The following ULK4 variants were observed in gnomAD, a reference collection of about 807,000 sequenced individuals.
The protein encoded by ULK4 is inactive serine/threonine-protein kinase ULK4.
Under a neutral mutation model 160.6 loss-of-function variants are expected in ULK4, and 133 were observed. The ratio of observed to expected loss-of-function variants is 0.83; its 90% CI spans 0.72 to 0.96. The LOEUF is 0.96. ULK4 is among the 40% of genes least tolerant of loss of function. The probability of loss-of-function intolerance (pLI) is 0.00; values close to 1 mark genes in which losing one functional copy is unlikely to be tolerated. For missense variants in ULK4, 1,580 were observed against 1,499.5 expected (o/e 1.05, Z -0.89); for synonymous variants, 534 against 539.8 (o/e 0.99, Z 0.15).
At chr3:41,741,740 A>C (rs1186831570) in intron 22 of ULK4, among the ~76,000 whole-genome samples, 1 of 151,948 alleles carries the variant, frequency 6.6e-6, no homozygotes, top group African/African-American at 2.4e-5. Flanking sequence ...TCTGCTAAGT[A>C]CTATCCCACC....
intron 32 of ULK4, among the ~76,000 whole-genome samples, chr3:41,520,011 G>A (rs959053505): frequency 2.6e-5 from 4 of 152,264 alleles, no homozygotes; most frequent in South Asian, 2.1e-4. Context: ...CAAAAGACAC[G>A]TGTGTCATTT....
intron 34 of ULK4, among the ~76,000 whole-genome samples, chr3:41,447,896 T>C (rs62259337): frequency 0.058 from 8,808 of 152,118 alleles, 367 homozygotes; most frequent in South Asian, 0.14. Context: ...GTCTAAATGA[T>C]GCAATTTTAA....
intron 35 of ULK4, among the ~76,000 whole-genome samples, chr3:41,279,255 T>TAAAAAGAAAA (rs2079296692): frequency 4.6e-5 from 2 of 43,068 alleles, no homozygotes; most frequent in African/African-American, 2.5e-4. Context: ...AAAAAAAGAG[T>TAAAAAGAAAA]AAAAAAAAAA....
intron 31 of ULK4, among the ~76,000 whole-genome samples, chr3:41,577,646 C>A (rs1253893693): frequency 2.0e-5 from 3 of 152,116 alleles, no homozygotes; most frequent in African/African-American, 7.2e-5. Context: ...GGTAACCAAC[C>A]ACCCTTCTAT....
At chr3:41,576,410 C>G (rs142336586) in intron 31 of ULK4, among the ~76,000 whole-genome samples, 1 of 152,188 alleles carries the variant, frequency 6.6e-6, no homozygotes, top group Admixed American at 6.5e-5. Flanking sequence ...CTTGAGGGCA[C>G]GACTGAGACT....
intron 31 of ULK4, among the ~76,000 whole-genome samples, chr3:41,615,229 C>T (rs1359421738): frequency 1.3e-5 from 2 of 152,128 alleles, no homozygotes; most frequent in South Asian, 2.1e-4. Flanking sequence ...ATTCTAGGTT[C>T]TGAAGAAGAC....
chr3:41,470,018 GAAA>G (rs71094650), intron 32 of ULK4, among the ~76,000 whole-genome samples: 2,596 of 45,818 alleles, frequency 0.057, 10 homozygotes, highest in Admixed American at 0.12. Context: ...AAACAGAACA[GAAA>G]AAAAAAAAAA....
rs574726688 is a variant in ULK4, at chr3:41,829,349, G to C, written c.1764+6515C>G. The stretch of plus-strand genomic sequence containing the variant: ...CACAGCAAAAGAAACTACCATCAGA[G>C]TGAACAGGCAACCTACAGAATGGGA... On this transcript the variant is annotated intron_variant, in intron 18 of 36. Transcript: ENST00000301831. Among the ~76,000 whole-genome samples, 600 of 146,246 alleles carry C rather than the reference G, an allele frequency of 4.1e-3. 17 individuals are homozygous for C. Among genetic ancestry groups the C allele is most frequent in the Middle Eastern group, 0.015 (4 of 262 alleles).
intron 34 of ULK4, among the ~76,000 whole-genome samples, chr3:41,455,103 G>A (rs1037188359): frequency 6.6e-6 from 1 of 151,984 alleles, no homozygotes; most frequent in Non-Finnish European, 1.5e-5. Context: ...TGAGGGGGTG[G>A]GCCCTAGGTC....
intron 32 of ULK4, among the ~76,000 whole-genome samples, chr3:41,531,034 T>C (rs902274997): frequency 6.7e-6 from 1 of 149,772 alleles, no homozygotes; most frequent in Admixed American, 6.7e-5. Flanking sequence ...AGTGCTGGGA[T>C]TACAGGCATG....
chr3:41,897,375 C>T (rs988298459), intron 14 of ULK4, among the ~76,000 whole-genome samples: 3 of 152,150 alleles, frequency 2.0e-5, no homozygotes, highest in African/African-American at 2.4e-5. Flanking sequence ...AAGCACAAAT[C>T]CTACAGTTCT....
At chr3:41,737,342 C>T (rs979586481) in intron 22 of ULK4, among the ~76,000 whole-genome samples, 21 of 151,950 alleles carry the variant, frequency 1.4e-4, no homozygotes, top group Non-Finnish European at 2.8e-4. Context: ...GAACTACAAA[C>T]CACTGCTCAA....
chr3:41,858,104 C>T (rs1384092881), intron 17 of ULK4, among the ~76,000 whole-genome samples: 1 of 145,288 alleles, frequency 6.9e-6, no homozygotes, highest in African/African-American at 2.5e-5. Context: ...AAAATTACCT[C>T]TGAGTACTGC....
intron 21 of ULK4, among the ~76,000 whole-genome samples, chr3:41,758,699 C>T (rs2038885584): frequency 6.6e-6 from 1 of 151,970 alleles, no homozygotes; most frequent in Admixed American, 6.6e-5. Context: ...CAGTGAAACC[C>T]CGTCTCTACC....
chr3:41,769,661 A>AATGAAATATTTAAAATGAT (rs1373198712), intron 21 of ULK4, among the ~76,000 whole-genome samples: 4 of 152,042 alleles, frequency 2.6e-5, no homozygotes, highest in Non-Finnish European at 4.4e-5. Flanking sequence ...AAGATGGTAT[A>AATGAAATATTTAAAATGAT]ATGAAATATT....
chr3:41,929,811 C>T (rs1355937801), intron 5 of ULK4, among the ~76,000 whole-genome samples: 2 of 152,020 alleles, frequency 1.3e-5, no homozygotes, highest in African/African-American at 4.8e-5. Context: ...AAGGAGACTA[C>T]AAACCTCTGC....
At chr3:41,859,602 G>A (rs2042449558) in intron 17 of ULK4, 4 of 508,066 alleles carry the variant, frequency 7.9e-6, no homozygotes, top group Non-Finnish European at 1.6e-5. Flanking sequence ...CATGGTCACT[G>A]CCTGAGCTGC....
chr3:41,859,181 A>T (rs1237996274), intron 17 of ULK4, among the ~76,000 whole-genome samples: 2 of 152,240 alleles, frequency 1.3e-5, no homozygotes, highest in East Asian at 3.8e-4. Context: ...AGGAAAAAAC[A>T]CTTCATTGTA....
At chr3:41,535,951 G>C (rs532400793) in intron 32 of ULK4, among the ~76,000 whole-genome samples, 3 of 152,050 alleles carry the variant, frequency 2.0e-5, no homozygotes, top group Non-Finnish European at 4.4e-5. Context: ...AAGACCATCT[G>C]GACTCATCAT....
Sources: gnomAD v4.1 joint callset for allele counts (sites outside exome capture counted in the v4.1 genomes callset) on GRCh38, gnomAD v4.1.1 for gene constraint, MANE v1.5 for transcripts, NCBI Gene and HGNC (gene_info 2026-07-23, HGNC 2026-07-21) for gene names.